The following PCDHGA1 variants were observed in gnomAD, a reference collection of about 807,000 sequenced individuals.
The protein encoded by PCDHGA1 is protocadherin gamma-A1.
Under a neutral mutation model 58.0 loss-of-function variants are expected in PCDHGA1, and 32 were observed. The observed-to-expected ratio is 0.55, with a 90% CI of 0.42 to 0.74. PCDHGA1 has a LOEUF of 0.74. Ranked by LOEUF, PCDHGA1 falls within the 30% of genes least tolerant of loss-of-function variation. The pLI is 0.00. For synonymous variants in PCDHGA1, 498 were observed against 501.1 expected, an observed-to-expected ratio of 0.99 and a Z score of 0.08; for missense variants, 1,205 against 1,182.3, an observed-to-expected ratio of 1.02 and a Z score of -0.28.
intron 1 of PCDHGA1, chr5:141,383,728 G>C (rs1561598364): frequency 6.2e-7 from 1 of 1,613,878 alleles, no homozygotes; most frequent in African/African-American, 1.3e-5. Flanking sequence ...CAATGGGGAA[G>C]TGACATATTC....
chr5:141,506,017 C>G (rs2099850061), intron 3 of PCDHGA1, among the ~76,000 whole-genome samples: 1 of 152,176 alleles, frequency 6.6e-6, no homozygotes, highest in Non-Finnish European at 1.5e-5. Flanking sequence ...TTTGCTGCCC[C>G]TAACTCCAGA....
intron 1 of PCDHGA1, chr5:141,441,114 T>A (rs1239606502): frequency 6.6e-6 from 1 of 152,218 alleles, no homozygotes; most frequent in Non-Finnish European, 1.5e-5. Context: ...TTGTCCAGTG[T>A]ACAGTTGAGA....
chr5:141,332,525 C>G lies in PCDHGA1; in HGVS notation c.1841C>G (p.Pro614Arg). The G allele has an allele frequency of 2.5e-6, 4 of 1,612,780 alleles. No homozygotes were observed. The highest frequency in any genetic ancestry group is 2.5e-6 in the Non-Finnish European group (3 of 1,179,898). Residue 614 changes from proline (P) to arginine (R), a missense_variant, in exon 1 of 4, where the codon CCG becomes CGG. Transcript: ENST00000517417. This position sits in a 1 kb window ranked among gnomAD's most constrained non-coding sequence, Gnocchi z 4.6. Reference sequence around the variant, plus strand: ...TACCGCCTGCTCAAGGCCAGCGAGCCGGGACTCTTCTCGGTGGGTCTGCAC... The same window carrying G: ...TACCGCCTGCTCAAGGCCAGCGAGCGGGGACTCTTCTCGGTGGGTCTGCAC... ...LSYRLLKASE[P>R]GLFSVGLHTG...
intron 1 of PCDHGA1, chr5:141,393,683 G>A (rs370409157): frequency 9.9e-6 from 16 of 1,613,730 alleles, no homozygotes; most frequent in South Asian, 8.8e-5. Context: ...AACAAACTCC[G>A]TTATTCCAGC....
chr5:141,421,885 G>T, intron 1 of PCDHGA1: 1 of 1,613,692 alleles, frequency 6.2e-7, no homozygotes, highest in Non-Finnish European at 8.5e-7. Context: ...AGATGGAGGC[G>T]ATCCCATCCG....
rs1447473914 is a variant in PCDHGA1 at position 141,341,026 on chromosome 5, C to G, written c.2421+7921C>G. On this transcript the variant is annotated intron_variant, in intron 1 of 3. Coordinates refer to ENST00000517417, the MANE Select transcript of PCDHGA1 (RefSeq NM_018912.3). ...GCCTCGAGCCCTCCGCCATACCCAA[C>G]GATTCGGACCTCACTCTGTACCTGG... is the stretch of plus-strand genomic sequence containing the variant. 1.2e-5 allele frequency: 19 copies of G among 1,614,042 alleles called. No individual in the cohort carries two copies. The highest frequency in any genetic ancestry group is 1.6e-5 in the Non-Finnish European group (19 of 1,180,026).
chr5:141,356,493 A>G (rs1364777213), intron 1 of PCDHGA1: 5 of 1,613,938 alleles, frequency 3.1e-6, no homozygotes, highest in Admixed American at 3.3e-5. Flanking sequence ...GAACTCCTCC[A>G]CTGTCTACAG....
chr5:141,394,454 A>G (rs1394596470), intron 1 of PCDHGA1: 2 of 1,614,212 alleles, frequency 1.2e-6, no homozygotes, highest in Admixed American at 1.7e-5. Context: ...GCAACATGTC[A>G]CTGAGCCTGT....
At chr5:141,385,172 C>T (rs1013319688) in intron 1 of PCDHGA1, 1 of 1,614,092 alleles carries the variant, frequency 6.2e-7, no homozygotes, top group African/African-American at 1.3e-5. Flanking sequence ...CATGAGGTCT[C>T]CCTCACCGCG....
chr5:141,472,486 G>A (rs1300618918), intron 1 of PCDHGA1, among the ~76,000 whole-genome samples: 1 of 152,050 alleles, frequency 6.6e-6, no homozygotes, highest in Non-Finnish European at 1.5e-5. Flanking sequence ...CTTGCAGTGA[G>A]ACGAGATCGT....
At chr5:141,435,413 A>G (rs1422263053) in intron 1 of PCDHGA1, among the ~76,000 whole-genome samples, 1 of 152,122 alleles carries the variant, frequency 6.6e-6, no homozygotes, top group Admixed American at 6.5e-5. Flanking sequence ...GGTAAAGACT[A>G]TTTTTCACTT....
At chr5:141,360,940 C>T in intron 1 of PCDHGA1, 5 of 1,613,890 alleles carry the variant, frequency 3.1e-6, no homozygotes, top group Non-Finnish European at 4.2e-6. Flanking sequence ...AGCCACCGAC[C>T]GGGATGAAGG....
At chr5:141,362,544 T>C (rs774611354) in intron 1 of PCDHGA1, 7 of 1,613,662 alleles carry the variant, frequency 4.3e-6, no homozygotes, top group East Asian at 2.2e-5. Context: ...TTGCCTCAGA[T>C]ACTATTTTGA....
At chr5:141,346,557 T>C (rs1285247774) in intron 1 of PCDHGA1, 4 of 1,493,294 alleles carry the variant, frequency 2.7e-6, no homozygotes, top group African/African-American at 1.4e-5. Context: ...GCCATGAGGT[T>C]GTCATTAGTC....
chr5:141,346,458 G>T, intron 1 of PCDHGA1: 1 of 1,614,152 alleles, frequency 6.2e-7, no homozygotes, highest in South Asian at 1.1e-5. Context: ...CCTACTTCAG[G>T]TGAGTTTATT....
rs539727453 is a variant in PCDHGA1 at position 141,487,510 on chromosome 5, C to G, written c.2422-7297C>G. ...GCTGTACACCCTTGGCTTCTGCACC[C>G]ACTCGGAGTGATAGCTTCATGATGG... On this transcript the variant is annotated intron_variant, in intron 1 of 3. Coordinates refer to ENST00000517417, the MANE Select transcript of PCDHGA1 (RefSeq NM_018912.3). This position sits in a 1 kb window ranked among gnomAD's most constrained non-coding sequence, Gnocchi z 5.0. The G allele has an allele frequency of 2.5e-6, 4 of 1,614,210 alleles. No homozygotes were observed. The highest frequency in any genetic ancestry group is 2.2e-5 in the East Asian group (1 of 44,860).
Position 141,417,921 on chromosome 5 carries a change from T to G in PCDHGA1, c.2422-76886T>G, listed in dbSNP as rs771406905. 7.5e-6 allele frequency: 12 copies of G among 1,607,746 alleles called. No homozygotes were observed. The Admixed American group carries it at 1.7e-4, about 23-fold the overall frequency. On this transcript the variant is annotated intron_variant, in intron 1 of 3. Transcript: ENST00000517417. ...CCGCGGCAGGTACTATTTCCTTTGC[T>G]GCTGCCTTTGTTCTACCCCACGCTG...
Position 141,485,757 on chromosome 5 carries a change from T to A in PCDHGA1, c.2422-9050T>A. The A allele has an allele frequency of 6.2e-7, 1 of 1,614,174 alleles. No homozygotes were observed. The highest frequency in any genetic ancestry group is 8.5e-7 in the Non-Finnish European group (1 of 1,180,028). The stretch of plus-strand genomic sequence containing the variant: ...GACGGCAGCCTGGTCCCAGAGCTGC[T>A]CCTGGAGAAGCCTTTGGATCGAGAG... On this transcript the variant is annotated intron_variant, in intron 1 of 3. Transcript: ENST00000517417. The surrounding 1 kb of genome is among the most constrained non-coding windows in gnomAD (Gnocchi z 5.7).
At chr5:141,399,862 G>T in intron 1 of PCDHGA1, 1 of 1,612,900 alleles carries the variant, frequency 6.2e-7, no homozygotes, top group South Asian at 1.1e-5. Flanking sequence ...GCGCGCTGCA[G>T]AGCCCGGCTA....
Sources: allele counts gnomAD v4.1 joint callset (sites outside exome capture counted in the v4.1 genomes callset), GRCh38; gene constraint gnomAD v4.1.1; non-coding constraint Gnocchi (gnomAD v3.1); transcripts MANE v1.5; gene names NCBI Gene and HGNC (gene_info 2026-07-23, HGNC 2026-07-21).